Variants in PAK4 observed in about 807,000 individuals in gnomAD.
PAK4 encodes the protein serine/threonine-protein kinase PAK 4.
A neutral mutation model predicts 53.5 loss-of-function variants in PAK4; 49 were observed. The ratio of observed to expected loss-of-function variants is 0.92; its 90% CI spans 0.73 to 1.16. The LOEUF is 1.16. Among genes scored for constraint, PAK4 ranks in the 50% most tolerant of loss-of-function variants. The pLI is 0.00. For missense variants in PAK4, 824 were observed against 850.7 expected, an observed-to-expected ratio of 0.97 and a Z score of 0.39; for synonymous variants, 376 against 375.6, an observed-to-expected ratio of 1.00 and a Z score of -0.01.
chr19:39,178,473 C>G lies in PAK4; in HGVS notation c.1670C>G (p.Pro557Arg). The G allele has an allele frequency of 6.2e-7, 1 of 1,609,268 alleles. No homozygotes were observed. The highest frequency in any genetic ancestry group is 8.5e-7 in the Non-Finnish European group (1 of 1,178,432). ...CTGGACCGCCTGCTGGTGCGAGACCCTGCCCAGCGGGCCACGGCAGCCGAG... is the reference window on the plus strand; with the variant it reads ...CTGGACCGCCTGCTGGTGCGAGACCGTGCCCAGCGGGCCACGGCAGCCGAG... Residue 557 changes from proline to arginine, a missense_variant, in exon 9 of 9, where the codon CCT (proline) becomes CGT (arginine). Transcript: ENST00000358301. The surrounding 1 kb of genome is among the most constrained non-coding windows in gnomAD (Gnocchi z 4.4).
chr19:39,160,696 A>G (rs2074270270), intron 1 of PAK4, among the ~76,000 whole-genome samples: 1 of 152,202 alleles, frequency 6.6e-6, no homozygotes, highest in Admixed American at 6.5e-5. Context: ...CGAGGTTGGC[A>G]GGGCCCTCCC....
rs747801373 is a variant in PAK4 at position 39,175,463 on chromosome 19, G to A, written c.1359+25G>A. 52 of 1,586,882 alleles carry A rather than the reference G, an allele frequency of 3.3e-5. 1 individual carries two copies. Among genetic ancestry groups the A allele is most frequent in the Admixed American group, 2.5e-4 (14 of 57,070 alleles). On this transcript the variant is annotated intron_variant, in intron 6 of 8. Transcript: ENST00000358301. The surrounding 1 kb of genome is among the most constrained non-coding windows in gnomAD (Gnocchi z 4.7). The stretch of plus-strand genomic sequence containing the variant: ...GGTGAGGGGACGGGCGGCGGGGTAC[G>A]GGGGCGGCAGGTTTCCGGCTGCGGG...
intron 1 of PAK4, among the ~76,000 whole-genome samples, chr19:39,127,323 C>T (rs982495851): frequency 2.6e-5 from 4 of 152,090 alleles, no homozygotes; most frequent in African/African-American, 7.2e-5. Context: ...ATGCCTCCCG[C>T]CCGGTCTTTG....
Position 39,173,708 on chromosome 19 carries a change from G to C in PAK4, c.796G>C (p.Ala266Pro), listed in dbSNP as rs749192033. 1.9e-6 allele frequency: 3 copies of C among 1,580,892 alleles called. No individual in the cohort carries two copies. In the South Asian group the frequency reaches 3.4e-5, roughly 18 times the overall value. ...CAGCCCTGGAGTGCTGGGACCCCAC[G>C]CCTCAGAGCCCCAGCTGGCCCCTCC... is the stretch of plus-strand genomic sequence containing the variant. The change falls in exon 4 of 9, where the codon GCC becomes CCC. Residue 266 changes from alanine (A) to proline (P), a missense_variant. Transcript: ENST00000358301. This position sits in a 1 kb window ranked among gnomAD's most constrained non-coding sequence, Gnocchi z 6.9.
At chr19:39,169,609 A>G in exon 2 of PAK4, 2 of 1,613,586 alleles carry the variant, frequency 1.2e-6, no homozygotes, top group Non-Finnish European at 1.7e-6. Flanking sequence ...AACTTCGAGC[A>G]CCGCGTGCAC....
chr19:39,148,203 C>T (rs1327342321), intron 1 of PAK4, among the ~76,000 whole-genome samples: 2 of 151,768 alleles, frequency 1.3e-5, no homozygotes, highest in Middle Eastern at 3.2e-3. Flanking sequence ...CCGCCTGCCT[C>T]GGCCTCCCAA....
At chr19:39,160,789 A>G (rs1183513736) in intron 1 of PAK4, among the ~76,000 whole-genome samples, 10 of 152,254 alleles carry the variant, frequency 6.6e-5, no homozygotes, top group Non-Finnish European at 2.9e-5. Flanking sequence ...TAATGTCTTC[A>G]GATTCCCTTC....
chr19:39,172,858 G>T, intron 2 of PAK4, 60 bp from the exon 4 acceptor site: 1 of 1,370,342 alleles, frequency 7.3e-7, no homozygotes, highest in Non-Finnish European at 9.9e-7. Context: ...CGTGTCGGAT[G>T]CACGTCCTGT....
intron 1 of PAK4, among the ~76,000 whole-genome samples, chr19:39,131,131 G>T (rs1337272048): frequency 1.3e-5 from 2 of 152,144 alleles, no homozygotes; most frequent in Non-Finnish European, 2.9e-5. Flanking sequence ...CACACAGCAG[G>T]CAGTGGCAGA....
chr19:39,145,345 G>A lies in PAK4; in HGVS notation c.-23+19426G>A, dbSNP rs1454749879. Reference sequence around the variant, plus strand: ...TGCGTGTAAATGGTACGAGGCCAGCGGCACTTGGCTGCAACTCTCTCAATA... The same window carrying A: ...TGCGTGTAAATGGTACGAGGCCAGCAGCACTTGGCTGCAACTCTCTCAATA... On this transcript the variant is annotated intron_variant, in intron 1 of 8. Transcript: ENST00000358301. Among the ~76,000 whole-genome samples the A allele has an allele frequency of 4.6e-5, 7 of 152,300 alleles. No individual in the cohort carries two copies. The East Asian group carries it at 7.7e-4, about 17-fold the overall frequency.
At chr19:39,138,433 G>T (rs374118787) in intron 1 of PAK4, among the ~76,000 whole-genome samples, 2 of 152,154 alleles carry the variant, frequency 1.3e-5, no homozygotes, top group Admixed American at 1.3e-4. Flanking sequence ...GTGCTCGTGC[G>T]CACACACCTG....
rs1235767396 is a variant in PAK4 at position 39,178,540 on chromosome 19, C to T, written c.1737C>T (p.Ala579=). ...TCCTGGCCAAGGCAGGGCCGCCTGC[C>T]AGCATCGTGCCCCTCATGCGCCAGA... Residue 579 remains alanine, a synonymous_variant, in exon 9 of 9, where the codon GCC becomes GCT. Transcript: ENST00000358301. The surrounding 1 kb of genome is among the most constrained non-coding windows in gnomAD (Gnocchi z 4.4). 2 of 1,610,398 alleles carry T rather than the reference C, an allele frequency of 1.2e-6. No homozygotes were observed. Among genetic ancestry groups the T allele is most frequent in the Non-Finnish European group, 1.7e-6 (2 of 1,178,800 alleles).
chr19:39,160,406 G>A (rs1310449922), intron 1 of PAK4, among the ~76,000 whole-genome samples: 1 of 152,334 alleles, frequency 6.6e-6, no homozygotes, highest in Admixed American at 6.5e-5. Context: ...ACATTCTGCT[G>A]GGGGCACTGC....
intron 2 of PAK4, among the ~76,000 whole-genome samples, chr19:39,172,141 A>G (rs1331289054): frequency 1.4e-5 from 2 of 138,654 alleles, no homozygotes; most frequent in African/African-American, 5.5e-5. Flanking sequence ...GACCTGAAGG[A>G]GTGGAGGGAG....
At chr19:39,165,821 A>G (rs920086042) in intron 1 of PAK4, among the ~76,000 whole-genome samples, 8 of 152,234 alleles carry the variant, frequency 5.3e-5, no homozygotes, top group Non-Finnish European at 1.0e-4. Flanking sequence ...GCAGGGCCGG[A>G]ACCCGCGAAT....
rs747655225 is a variant in PAK4 at position 39,178,560 on chromosome 19, G to A, written c.1757G>A (p.Arg586His). The A allele has an allele frequency of 1.7e-5, 28 of 1,605,214 alleles. 1 individual carries two copies. The highest frequency in any genetic ancestry group is 2.2e-5 in the East Asian group (1 of 44,626). ...CCTGCCAGCATCGTGCCCCTCATGC[G>A]CCAGAACCGCACCAGATGAGGCCCA... Residue 586 changes from arginine to histidine, a missense_variant, in exon 9 of 9, where the codon CGC becomes CAC. Physicochemically the swap from Arg to His is conservative, Grantham distance 29. This residue lies in a region of PAK4 where 346 missense variants were observed against 415.0 expected (regional missense o/e 0.83). Coordinates refer to ENST00000358301, the Ensembl canonical transcript of PAK4. The surrounding 1 kb of genome is among the most constrained non-coding windows in gnomAD (Gnocchi z 4.4).
intron 1 of PAK4, among the ~76,000 whole-genome samples, chr19:39,134,287 C>T (rs933418423): frequency 1.3e-5 from 2 of 152,222 alleles, no homozygotes; most frequent in South Asian, 2.1e-4. Flanking sequence ...AAGTGAACAA[C>T]GCTTCCCCAC....
chr19:39,176,209 T>A (rs2074601425), intron 6 of PAK4, among the ~76,000 whole-genome samples: 1 of 152,244 alleles, frequency 6.6e-6, no homozygotes, highest in African/African-American at 2.4e-5. Context: ...GCAGGGCTAC[T>A]TTCTGCTCCA....
chr19:39,171,547 G>A (rs1232166008), intron 2 of PAK4, among the ~76,000 whole-genome samples: 1 of 152,112 alleles, frequency 6.6e-6, no homozygotes, highest in Non-Finnish European at 1.5e-5. Context: ...TGTCCACCTT[G>A]ACTTCCTGGG....
Sources: allele counts gnomAD v4.1 joint callset (sites outside exome capture counted in the v4.1 genomes callset), GRCh38; gene constraint gnomAD v4.1.1; regional missense constraint gnomAD v4.1.1; non-coding constraint Gnocchi (gnomAD v3.1); transcripts MANE v1.5; gene names NCBI Gene and HGNC (gene_info 2026-07-23, HGNC 2026-07-21).